The following UNKL variants were observed in gnomAD, a reference collection of about 807,000 sequenced individuals.
The protein encoded by UNKL is unk like zinc finger.
A neutral mutation model predicts 78.0 loss-of-function variants in UNKL; 60 were observed. The ratio of observed to expected loss-of-function variants is 0.77; its 90% CI spans 0.63 to 0.95. The LOEUF (loss-of-function observed/expected upper bound fraction) is 0.95. Ranked by LOEUF, UNKL falls within the 40% of genes least tolerant of loss-of-function variation. The probability of loss-of-function intolerance (pLI) is 0.00; values close to 1 mark genes in which losing one functional copy is unlikely to be tolerated. For synonymous variants in UNKL, 608 were observed against 474.8 expected, an observed-to-expected ratio of 1.28 and a Z score of -3.65; for missense variants, 1,159 against 1,045.7, an observed-to-expected ratio of 1.11 and a Z score of -1.49.
intron 10 of UNKL, among the ~76,000 whole-genome samples, chr16:1,376,977 G>A (rs147004541): frequency 1.3e-5 from 2 of 152,102 alleles, no homozygotes; most frequent in African/African-American, 4.8e-5. Flanking sequence ...GCAACGCCAC[G>A]TACCTAGGTG....
rs572070587 is a variant in UNKL at position 1,365,792 on chromosome 16, T to TA, written c.*447dup. 104 of 154,048 alleles carry TA rather than the reference T, an allele frequency of 6.8e-4. No homozygotes were observed. The highest frequency in any genetic ancestry group is 8.2e-4 in the Non-Finnish European group (57 of 69,482). The allele number at this position is 154,048 out of a possible 1,614,324, so 9.5% of individuals were successfully genotyped here. A position where few individuals can be genotyped will look rare whatever the true frequency, so the allele number is the denominator to read the frequency against. ...TATAAAGCTTCATATTATCGCATAT[T>TA]AAAAAAAAACAGAAAGCAGCTTAGA... On this transcript the variant is annotated 3_prime_UTR_variant, in exon 15 of 15. Transcript: ENST00000389221.
rs1486883457 is a variant in UNKL, at chr16:1,414,655, T to C, written c.37A>G (p.Ser13Gly). ...TTCTCAGTCTGCGGGGGGGACCCGC[T>C]CAGCGCCGCTGCCGCCGCTTTCGAA... ...SVSKAAAAAL[S>G]GSPPQTEKPT... The change falls in exon 1 of 15, where the codon AGC becomes GGC. Residue 13 changes from serine to glycine, a missense_variant. Physicochemically the swap from Ser to Gly is moderately conservative, Grantham distance 56. Coordinates refer to ENST00000389221, the MANE Select transcript of UNKL (RefSeq NM_001372107.1). 4 of 1,146,948 alleles carry C rather than the reference T, an allele frequency of 3.5e-6. No individual in the cohort carries two copies. Among genetic ancestry groups the C allele is most frequent in the East Asian group, 6.6e-5 (1 of 15,234 alleles). The allele number at this position is 1,146,948 out of a possible 1,614,324, so 71.0% of individuals were successfully genotyped here. A position where few individuals can be genotyped will look rare whatever the true frequency, so the allele number is the denominator to read the frequency against.
intron 7 of UNKL, 122 bp downstream of exon 7, chr16:1,394,009 G>A (rs972866775): frequency 1.4e-5 from 14 of 992,444 alleles, no homozygotes; most frequent in Admixed American, 2.3e-5. Context: ...CAACCACGGT[G>A]CTGAGCTCCT....
In UNKL at chr16:1,390,631, C is replaced by G; in HGVS notation, c.1086+1G>C. On this transcript the variant is annotated splice_donor_variant, in intron 9 of 14. Coordinates refer to ENST00000389221, the MANE Select transcript of UNKL (RefSeq NM_001372107.1). LOFTEE classifies it high-confidence loss of function. The stretch of plus-strand genomic sequence containing the variant: ...GGGTGGGAAACCTTGGGGGCCTGTA[C>G]CTGCTTGCTGTCTTGCTCGCTGCCC... 1.3e-6 allele frequency: 2 copies of G among 1,536,028 alleles called. No homozygotes were observed. The highest frequency in any genetic ancestry group is 1.7e-6 in the Non-Finnish European group (2 of 1,146,868).
At chr16:1,412,909 G>A (rs1039699812) in intron 2 of UNKL, among the ~76,000 whole-genome samples, 20 of 152,020 alleles carry the variant, frequency 1.3e-4, no homozygotes, top group African/African-American at 4.1e-4. Context: ...ACAAAACAAG[G>A]CACTTGGCCA....
At position 1,365,568 on chromosome 16, in the gene UNKL, G is replaced by A. The variant is rs1161305586; in HGVS notation, c.*672C>T. 2.0e-5 allele frequency: 3 copies of A among 152,570 alleles called. No homozygotes were observed. The highest frequency in any genetic ancestry group is 4.4e-5 in the Non-Finnish European group (3 of 68,046). The allele number at this position is 152,570 out of a possible 1,614,324, so 9.5% of individuals were successfully genotyped here. On this transcript the variant is annotated 3_prime_UTR_variant, in exon 15 of 15. Coordinates refer to ENST00000389221, the MANE Select transcript of UNKL (RefSeq NM_001372107.1). ...CAGGAAAACTAGCTCCTTCCATCAA[G>A]TTAAAAACATCTCAATCCATAATCA...
At chr16:1,411,369 T>C (rs930303348) in intron 2 of UNKL, among the ~76,000 whole-genome samples, 2 of 151,220 alleles carry the variant, frequency 1.3e-5, no homozygotes, top group East Asian at 3.9e-4. Context: ...AAATAATAAA[T>C]AAAATAAAAT....
In UNKL at chr16:1,366,191, G is replaced by C; in HGVS notation, c.*49C>G. 10 of 1,448,276 alleles carry C rather than the reference G, an allele frequency of 6.9e-6. No individual in the cohort carries two copies. Among genetic ancestry groups the C allele is most frequent in the Non-Finnish European group, 9.2e-6 (10 of 1,091,072 alleles). 89.7% of individuals were successfully genotyped at this position (1,448,276 alleles called of 1,614,324 possible). A position where few individuals can be genotyped will look rare whatever the true frequency, so the allele number is the denominator to read the frequency against. On this transcript the variant is annotated 3_prime_UTR_variant, in exon 15 of 15. Transcript: ENST00000389221. ...GTGACGACATGTCCGTGGTCAGGAG[G>C]AGCGCTGGAGCCAGGGTGCCCAGCA...
chr16:1,395,701 G>A, intron 6 of UNKL: 1 of 456,580 alleles, frequency 2.2e-6, no homozygotes, highest in Admixed American at 2.3e-5. Context: ...GTGCGGCTGT[G>A]GCCCACGTGG....
chr16:1,395,944 G>A (rs1567227528), intron 6 of UNKL: 1 of 358,786 alleles, frequency 2.8e-6, no homozygotes. Context: ...CCCCTTGGCT[G>A]AGGATTTTAC....
At chr16:1,372,757 G>T (rs918953452) in intron 10 of UNKL, among the ~76,000 whole-genome samples, 4 of 152,300 alleles carry the variant, frequency 2.6e-5, no homozygotes, top group African/African-American at 9.6e-5. Context: ...CACCCTGTGG[G>T]CCGGCGCCGC....
At chr16:1,396,230 C>T (rs547831639) in intron 6 of UNKL, among the ~76,000 whole-genome samples, 2 of 151,056 alleles carry the variant, frequency 1.3e-5, no homozygotes, top group East Asian at 2.0e-4. Context: ...TGTGAGCCAC[C>T]GTGCCTGGCC....
chr16:1,388,636 T>C (rs1323182091), intron 9 of UNKL, among the ~76,000 whole-genome samples: 1 of 152,154 alleles, frequency 6.6e-6, no homozygotes, highest in Non-Finnish European at 1.5e-5. Context: ...TGGCCACAGA[T>C]GACGGGCCTG....
intron 4 of UNKL, among the ~76,000 whole-genome samples, chr16:1,400,495 G>A (rs12599336): frequency 0.87 from 128,257 of 147,296 alleles, 56,406 homozygotes; most frequent in East Asian, 1. Context: ...CAAATTCACA[G>A]AGATGGGATG....
intron 8 of UNKL, among the ~76,000 whole-genome samples, chr16:1,392,382 T>C (rs2037083455): frequency 6.6e-6 from 1 of 152,114 alleles, no homozygotes; most frequent in African/African-American, 2.4e-5. Context: ...TGCTCTTACC[T>C]TCCGCCAGTC....
chr16:1,372,271 A>C (rs576244694), intron 10 of UNKL, among the ~76,000 whole-genome samples: 1 of 152,058 alleles, frequency 6.6e-6, no homozygotes, highest in East Asian at 1.9e-4. Context: ...CTCAAAAAAA[A>C]CAAAAACAAA....
intron 3 of UNKL, 112 bp from the exon 4 acceptor site, chr16:1,401,813 C>T (rs912957963): frequency 6.4e-5 from 93 of 1,449,566 alleles, no homozygotes; most frequent in Admixed American, 1.1e-4. Context: ...AGGCTGCTGC[C>T]GAAGGGTTCA....
At chr16:1,377,598 C>A (rs2036330651) in intron 10 of UNKL, among the ~76,000 whole-genome samples, 1 of 152,112 alleles carries the variant, frequency 6.6e-6, no homozygotes, top group African/African-American at 2.4e-5. Flanking sequence ...CGCCTGTGCC[C>A]TGAACTGCCT....
intron 7 of UNKL, among the ~76,000 whole-genome samples, chr16:1,393,355 G>A (rs758890103): frequency 6.7e-6 from 1 of 149,588 alleles, no homozygotes; most frequent in Non-Finnish European, 1.5e-5. Context: ...CCAGGGCTGC[G>A]AGGAGGAAAC....
Sources: gnomAD v4.1 joint callset for allele counts (sites outside exome capture counted in the v4.1 genomes callset) on GRCh38, gnomAD v4.1.1 for gene constraint, MANE v1.5 for transcripts, NCBI Gene and HGNC (gene_info 2026-07-23, HGNC 2026-07-21) for gene names.